PRICKLE1: variants seen among roughly 807,000 people sequenced by gnomAD.
PRICKLE1 encodes the protein prickle planar cell polarity protein 1.
Under a neutral mutation model 70.2 loss-of-function variants are expected in PRICKLE1, and 14 were observed. The ratio of observed to expected loss-of-function variants is 0.20; its 90% confidence interval spans 0.13 to 0.31. The LOEUF (loss-of-function observed/expected upper bound fraction) is 0.31. Among genes scored for constraint, PRICKLE1 ranks in the 10% least tolerant of loss-of-function variants. PRICKLE1 has a pLI of 1.00. For missense variants in PRICKLE1, 821 were observed against 1,026.2 expected (o/e 0.80, Z 2.73); for synonymous variants, 357 against 379.9 (o/e 0.94, Z 0.70).
At chr12:42,578,188 G>T (rs1940833265) in intron 1 of PRICKLE1, among the ~76,000 whole-genome samples, 1 of 152,168 alleles carries the variant, frequency 6.6e-6, no homozygotes. Context: ...TGCCAATTTA[G>T]CTCTGGAACT....
In PRICKLE1 at chr12:42,464,384, A is replaced by G. The variant is rs771914258; in HGVS notation, c.1639+11T>C. The G allele has an allele frequency of 6.2e-7, 1 of 1,614,084 alleles. No homozygotes were observed. Among genetic ancestry groups the G allele is most frequent in the Middle Eastern group, 1.7e-4 (1 of 6,060 alleles). On this transcript the variant is annotated intron_variant, in intron 7 of 7. Coordinates refer to ENST00000345127, the MANE Select transcript of PRICKLE1 (RefSeq NM_153026.3). This position sits in a 1 kb window ranked among gnomAD's most constrained non-coding sequence, Gnocchi z 4.2. The stretch of plus-strand genomic sequence containing the variant: ...TTTTTTCAAATACCCCATAATCCCT[A>G]GATTACGTACCTGTGATATTGGACA...
chr12:42,461,956 G>A (rs576633370), intron 7 of PRICKLE1, among the ~76,000 whole-genome samples: 1 of 151,828 alleles, frequency 6.6e-6, no homozygotes, highest in Non-Finnish European at 1.5e-5. Flanking sequence ...GCGCCACCAC[G>A]CCTGGCTAAT....
chr12:42,547,032 A>T (rs1057384599), intron 1 of PRICKLE1, among the ~76,000 whole-genome samples: 3 of 152,254 alleles, frequency 2.0e-5, no homozygotes, highest in African/African-American at 7.2e-5. Flanking sequence ...GTTTTGAATT[A>T]GCTGCAAGTT....
At chr12:42,560,850 TTATAA>T (rs1940502295) in intron 1 of PRICKLE1, among the ~76,000 whole-genome samples, 1 of 151,972 alleles carries the variant, frequency 6.6e-6, no homozygotes, top group Non-Finnish European at 1.5e-5. Flanking sequence ...TTGGGAATTC[TTATAA>T]TGTAATCATG....
intron 1 of PRICKLE1, among the ~76,000 whole-genome samples, chr12:42,511,814 C>T (rs1764815313): frequency 6.6e-6 from 1 of 152,166 alleles, no homozygotes; most frequent in Non-Finnish European, 1.5e-5. Context: ...GAAAGGTTTT[C>T]TTTACTTCTC....
chr12:42,460,298 C>A lies in PRICKLE1; in HGVS notation c.2007G>T (p.Arg669Ser). ...RVYNFEERGS[R>S]SHHHRRRRSR... The stretch of plus-strand genomic sequence containing the variant: ...TTCTCCGGCGGCGGTGGTGATGAGA[C>A]CTGGATCCCCTCTCTTCAAAATTGT... The change falls in exon 8 of 8, where the codon AGG (arginine) becomes AGT (serine). Residue 669 changes from arginine to serine, a missense_variant. Transcript: ENST00000345127. 2 of 1,614,070 alleles carry A rather than the reference C, an allele frequency of 1.2e-6. No homozygotes were observed. The highest frequency in any genetic ancestry group is 8.5e-7 in the Non-Finnish European group (1 of 1,180,022).
At chr12:42,549,915 G>A (rs971526807) in intron 1 of PRICKLE1, among the ~76,000 whole-genome samples, 7 of 152,016 alleles carry the variant, frequency 4.6e-5, no homozygotes, top group African/African-American at 1.7e-4. Context: ...TCCCTGTCTT[G>A]CACACACTCT....
At chr12:42,560,367 CA>C (rs1228811588) in intron 1 of PRICKLE1, among the ~76,000 whole-genome samples, 1 of 151,980 alleles carries the variant, frequency 6.6e-6, no homozygotes, top group African/African-American at 2.4e-5. Flanking sequence ...CTCCTGACCT[CA>C]GGTGATCCAC....
intron 7 of PRICKLE1, 101 bp from the exon 8 acceptor site, chr12:42,460,766 C>T: frequency 7.2e-7 from 1 of 1,393,174 alleles, no homozygotes; most frequent in Non-Finnish European, 1.0e-6. Context: ...AGAAAATTTC[C>T]AATCTCAATA....
Position 42,535,964 on chromosome 12 carries a change from A to T in PRICKLE1, c.-49+53501T>A, listed in dbSNP as rs1448965887. ...GAGTTCATCAGCTACTCTAGAGGGC[A>T]AAGGAAGGAAGCACAGGCTGGTACA... is the stretch of plus-strand genomic sequence containing the variant. On this transcript the variant is annotated intron_variant, in intron 1 of 7. Transcript: ENST00000345127. Among the ~76,000 whole-genome samples, 2 of 152,220 alleles carry T rather than the reference A, an allele frequency of 1.3e-5. 1 individual carries two copies. The highest frequency in any genetic ancestry group is 4.1e-4 in the South Asian group (2 of 4,826).
At chr12:42,500,664 C>CTTTCT (rs71435912) in intron 1 of PRICKLE1, among the ~76,000 whole-genome samples, 6 of 142,800 alleles carry the variant, frequency 4.2e-5, no homozygotes, top group Non-Finnish European at 7.7e-5. Context: ...CATTAATTTT[C>CTTTCT]TTTTTTTTTT....
chr12:42,520,524 T>C (rs1186226867), intron 1 of PRICKLE1, among the ~76,000 whole-genome samples: 1 of 152,236 alleles, frequency 6.6e-6, no homozygotes, highest in Non-Finnish European at 1.5e-5. Flanking sequence ...TTAAATGAGA[T>C]GCTGCATAGA....
At chr12:42,571,229 T>A (rs765958963) in intron 1 of PRICKLE1, among the ~76,000 whole-genome samples, 3 of 152,100 alleles carry the variant, frequency 2.0e-5, no homozygotes, top group Non-Finnish European at 2.9e-5. Flanking sequence ...TTTTCATGTG[T>A]TAATATTATA....
intron 1 of PRICKLE1, among the ~76,000 whole-genome samples, chr12:42,512,483 G>C (rs1009553210): frequency 6.6e-6 from 1 of 152,120 alleles, no homozygotes; most frequent in Non-Finnish European, 1.5e-5. Context: ...GCTGGACATT[G>C]TGTTTTTATC....
chr12:42,577,644 C>T (rs1940825514), intron 1 of PRICKLE1, among the ~76,000 whole-genome samples: 1 of 152,148 alleles, frequency 6.6e-6, no homozygotes, highest in Non-Finnish European at 1.5e-5. Context: ...AAAAAATCAT[C>T]AGCCTCTCCT....
intron 1 of PRICKLE1, among the ~76,000 whole-genome samples, chr12:42,586,425 C>T (rs1294594738): frequency 1.3e-5 from 2 of 148,398 alleles, no homozygotes; most frequent in Non-Finnish European, 3.0e-5. Context: ...TGGGGTCTAA[C>T]AATGTTGGCT....
rs547225169 is a variant in PRICKLE1 at position 42,568,659 on chromosome 12, A to G, written c.-49+20806T>C. ...TTCTATTATGTACATCTTAAAAACT[A>G]TCATAATTCAGAAGAAATATATCTT... is the stretch of plus-strand genomic sequence containing the variant. On this transcript the variant is annotated intron_variant, in intron 1 of 7. Coordinates refer to ENST00000345127, the MANE Select transcript of PRICKLE1 (RefSeq NM_153026.3). 8.5e-5 allele frequency among the ~76,000 whole-genome samples: 13 copies of G among 152,340 alleles called. No homozygotes were observed. In the East Asian group the frequency reaches 2.5e-3, roughly 29 times the overall value.
intron 1 of PRICKLE1, among the ~76,000 whole-genome samples, chr12:42,504,551 G>T (rs1939371900): frequency 6.6e-6 from 1 of 152,174 alleles, no homozygotes; most frequent in South Asian, 2.1e-4. Flanking sequence ...ACTGCTGAAT[G>T]AGATTTGTAT....
intron 1 of PRICKLE1, among the ~76,000 whole-genome samples, chr12:42,486,137 C>T (rs868198972): frequency 3.9e-5 from 6 of 152,206 alleles, no homozygotes; most frequent in Non-Finnish European, 7.3e-5. Flanking sequence ...TTGGTTCCCT[C>T]GCTCCATCCT....
Sources: allele counts gnomAD v4.1 joint callset (sites outside exome capture counted in the v4.1 genomes callset), GRCh38; gene constraint gnomAD v4.1.1; non-coding constraint Gnocchi (gnomAD v3.1); transcripts MANE v1.5; gene names NCBI Gene and HGNC (gene_info 2026-07-23, HGNC 2026-07-21).